Variants in THSD4 observed in about 807,000 individuals in gnomAD.
The protein encoded by THSD4 is thrombospondin type 1 domain containing 4, also known as thrombospondin type-1 domain-containing protein 4.
Under a neutral mutation model 119.0 loss-of-function variants are expected in THSD4, and 69 were observed. The observed-to-expected ratio is 0.58, with a 90% CI of 0.48 to 0.71. THSD4 has a LOEUF of 0.71. Among genes scored for constraint, THSD4 ranks in the 30% least tolerant of loss-of-function variants. The pLI is 0.00. For synonymous variants in THSD4, 524 were observed against 540.4 expected (o/e 0.97, Z 0.42); for missense variants, 1,393 against 1,391.1 (o/e 1.00, Z -0.02).
intron 6 of THSD4, among the ~76,000 whole-genome samples, chr15:71,331,059 C>T (rs934421461): frequency 6.6e-6 from 1 of 152,216 alleles, no homozygotes; most frequent in African/African-American, 2.4e-5. Context: ...GCGCTCCTCT[C>T]AGTGGCCTTT....
upstream of THSD4, among the ~76,000 whole-genome samples, chr15:71,113,175 C>T (rs1199337805): frequency 6.6e-6 from 1 of 152,124 alleles, no homozygotes; most frequent in Non-Finnish European, 1.5e-5. Context: ...GGTGACAGAG[C>T]AAGACACTCT....
intron 7 of THSD4, among the ~76,000 whole-genome samples, chr15:71,499,987 G>A (rs779226434): frequency 7.4e-4 from 113 of 151,984 alleles, no homozygotes; most frequent in Admixed American, 2.2e-3. Flanking sequence ...CAGTTCTTTT[G>A]GATAGATACC....
At chr15:71,388,531 G>A (rs944284610) in intron 6 of THSD4, among the ~76,000 whole-genome samples, 6 of 152,050 alleles carry the variant, frequency 3.9e-5, no homozygotes, top group Non-Finnish European at 7.4e-5. Flanking sequence ...ATGAAGGGGG[G>A]AAAAATAAAA....
chr15:71,432,063 G>C (rs1397524221), intron 7 of THSD4, among the ~76,000 whole-genome samples: 1 of 151,876 alleles, frequency 6.6e-6, no homozygotes, highest in African/African-American at 2.4e-5. Flanking sequence ...GATTATGACT[G>C]GTAACATAAA....
rs998031511 is a variant in THSD4 at position 71,418,961 on chromosome 15, T to C, written c.1152+7138T>C. On this transcript the variant is annotated intron_variant, in intron 7 of 17. Transcript: ENST00000261862. ...CTACATTTTCCGGTTTATTGACATA[T>C]AGTTGCTTATAGTAGTCACTGTTGA... is the stretch of plus-strand genomic sequence containing the variant. Among the ~76,000 whole-genome samples, 7 of 108,386 alleles carry C rather than the reference T, an allele frequency of 6.5e-5. 1 individual carries two copies. 71.1% of individuals were successfully genotyped at this position (108,386 alleles called of 152,430 possible).
At chr15:71,654,834 T>TA (rs1466848904) in intron 7 of THSD4, among the ~76,000 whole-genome samples, 1 of 152,204 alleles carries the variant, frequency 6.6e-6, no homozygotes, top group Non-Finnish European at 1.5e-5. Context: ...GAGGTTACCC[T>TA]ATCTCATGTG....
At chr15:71,703,197 A>G (rs2052326710) in intron 8 of THSD4, among the ~76,000 whole-genome samples, 1 of 151,696 alleles carries the variant, frequency 6.6e-6, no homozygotes. Context: ...CTGGTCTCGA[A>G]CCCCCAACCT....
intron 6 of THSD4, among the ~76,000 whole-genome samples, chr15:71,377,148 G>C (rs2046149445): frequency 6.6e-6 from 1 of 151,766 alleles, no homozygotes; most frequent in African/African-American, 2.4e-5. Context: ...ATTTCATGAA[G>C]GGGGTAAAGG....
intron 6 of THSD4, among the ~76,000 whole-genome samples, chr15:71,375,927 C>T (rs1469612284): frequency 3.9e-5 from 6 of 152,158 alleles, no homozygotes; most frequent in Admixed American, 6.6e-5. Context: ...GAACAACTGA[C>T]CTAGCACTTT....
chr15:71,360,592 T>C (rs1447907711), intron 6 of THSD4, among the ~76,000 whole-genome samples: 1 of 152,224 alleles, frequency 6.6e-6, no homozygotes, highest in Non-Finnish European at 1.5e-5. Flanking sequence ...TTGGGTTCAC[T>C]ACGGTACTCG....
Position 71,418,950 on chromosome 15 carries a change from T to A in THSD4, c.1152+7127T>A, listed in dbSNP as rs1336307897. On this transcript the variant is annotated intron_variant, in intron 7 of 17. Transcript: ENST00000261862. Reference sequence around the variant, plus strand: ...ATTCATTTATTCTACATTTTCCGGTTTATTGACATATAGTTGCTTATAGTA... The same window carrying A: ...ATTCATTTATTCTACATTTTCCGGTATATTGACATATAGTTGCTTATAGTA... Among the ~76,000 whole-genome samples the A allele has an allele frequency of 1.8e-5, 2 of 108,392 alleles. 1 individual carries two copies. Among genetic ancestry groups the A allele is most frequent in the Non-Finnish European group, 4.1e-5 (2 of 49,292 alleles). 71.1% of individuals were successfully genotyped at this position (108,392 alleles called of 152,430 possible).
At chr15:71,737,112 T>C (rs1483036754) in intron 10 of THSD4, among the ~76,000 whole-genome samples, 5 of 152,254 alleles carry the variant, frequency 3.3e-5, no homozygotes, top group African/African-American at 1.2e-4. Flanking sequence ...TGGTGAACAT[T>C]TGTGTCTGTT....
chr15:71,780,962 C>A lies in THSD4; in HGVS notation c.*3588C>A, dbSNP rs112593778. ...AAATGTTGTGGGTTTTCTTTTCATT[C>A]GGATAGCCACTTTATAGTTGGAATA... On this transcript the variant is annotated 3_prime_UTR_variant, in exon 18 of 18. Transcript: ENST00000261862. The A allele has an allele frequency of 8.7e-6, 3 of 344,190 alleles. No individual in the cohort carries two copies. The highest frequency in any genetic ancestry group is 2.3e-5 in the South Asian group (1 of 44,024). 21.3% of individuals were successfully genotyped at this position (344,190 alleles called of 1,614,324 possible). A position where few individuals can be genotyped will look rare whatever the true frequency, so the allele number is the denominator to read the frequency against.
intron 14 of THSD4, among the ~76,000 whole-genome samples, chr15:71,754,538 A>T (rs1490596702): frequency 6.6e-6 from 1 of 152,208 alleles, no homozygotes; most frequent in Non-Finnish European, 1.5e-5. Flanking sequence ...AACAAATTTT[A>T]AGCTAAAGGA....
At chr15:71,103,321 A>G (rs923563839) in intron 1 of THSD4, among the ~76,000 whole-genome samples, 1 of 152,126 alleles carries the variant, frequency 6.6e-6, no homozygotes, top group East Asian at 1.9e-4. Context: ...ACTGGGGTCT[A>G]CCTTGCAGTT....
At chr15:71,715,671 ACAT>A (rs533075016) in intron 8 of THSD4, among the ~76,000 whole-genome samples, 98 of 152,200 alleles carry the variant, frequency 6.4e-4, no homozygotes, top group African/African-American at 2.4e-3. Flanking sequence ...AAAATTTAAA[ACAT>A]CAGCTGTCCA....
intron 4 of THSD4, among the ~76,000 whole-genome samples, chr15:71,224,234 A>C (rs1380490354): frequency 6.6e-6 from 1 of 152,194 alleles, no homozygotes; most frequent in Non-Finnish European, 1.5e-5. Context: ...CACAGGCTGC[A>C]AATGAGGGAG....
intron 7 of THSD4, among the ~76,000 whole-genome samples, chr15:71,476,442 A>C (rs879732647): frequency 4.6e-5 from 7 of 152,274 alleles, no homozygotes; most frequent in South Asian, 2.1e-4. Flanking sequence ...GGGTTTCACC[A>C]TGTTGGCCAG....
intron 7 of THSD4, among the ~76,000 whole-genome samples, chr15:71,566,139 T>A (rs2049232688): frequency 8.4e-6 from 1 of 118,376 alleles, no homozygotes; most frequent in Non-Finnish European, 1.7e-5. Flanking sequence ...TTCTTTCTTT[T>A]TTCTTTTTCT....
Sources: allele counts gnomAD v4.1 joint callset (sites outside exome capture counted in the v4.1 genomes callset), GRCh38; gene constraint gnomAD v4.1.1; transcripts MANE v1.5; gene names NCBI Gene and HGNC (gene_info 2026-07-23, HGNC 2026-07-21).